Variants in MAPK10 observed in about 807,000 individuals in gnomAD.
MAPK10 encodes mitogen-activated protein kinase 10.
In MAPK10, 25 loss-of-function variants were observed where a neutral mutation model predicts 59.3. The observed-to-expected ratio is 0.42, with a 90% CI of 0.31 to 0.59. The LOEUF is 0.59. Among genes scored for constraint, MAPK10 ranks in the 20% least tolerant of loss-of-function variants. The pLI, the probability that MAPK10 is intolerant of heterozygous loss-of-function variation, is 0.15. For synonymous variants in MAPK10, 190 were observed against 200.5 expected (o/e 0.95, Z 0.44); for missense variants, 351 against 568.9 (o/e 0.62, Z 3.90).
chr4:86,025,522 T>C (rs1749726897), intron 13 of MAPK10: 1 of 398,334 alleles, frequency 2.5e-6, no homozygotes, highest in Admixed American at 4.4e-5. Context: ...CTGAATTGAA[T>C]ATGATCATTG....
intron 2 of MAPK10, among the ~76,000 whole-genome samples, chr4:86,251,642 G>A (rs1419896406): frequency 1.5e-5 from 2 of 135,422 alleles, no homozygotes; most frequent in Non-Finnish European, 3.1e-5. Context: ...ACATACATGT[G>A]CATGTGTCTT....
chr4:86,222,157 C>T (rs376414380), intron 2 of MAPK10, among the ~76,000 whole-genome samples: 2 of 152,286 alleles, frequency 1.3e-5, no homozygotes, highest in South Asian at 2.1e-4. Context: ...TTCTGTACAG[C>T]CTGGGAAACT....
rs114347212 is a variant in MAPK10 at position 86,060,327 on chromosome 4, C to T, written c.1110+3939G>A. Among the ~76,000 whole-genome samples, 352 of 152,318 alleles carry T rather than the reference C, an allele frequency of 2.3e-3. 2 individuals carry two copies. The highest frequency in any genetic ancestry group is 8.2e-3 in the African/African-American group (341 of 41,574). On this transcript the variant is annotated intron_variant, in intron 11 of 13. Coordinates refer to ENST00000641462, the MANE Select transcript of MAPK10 (RefSeq NM_138982.4). ...ATGCCCTTGCAAGGAACAAGAACTA[C>T]AAAATGGAGCCTTTTGTAAGGCCGT... is the stretch of plus-strand genomic sequence containing the variant.
At chr4:86,139,646 T>C (rs1194223172) in intron 4 of MAPK10, among the ~76,000 whole-genome samples, 3 of 152,040 alleles carry the variant, frequency 2.0e-5, no homozygotes, top group African/African-American at 4.8e-5. Flanking sequence ...GTCTAAAACA[T>C]CAAAAGCAAT....
rs1269015608 is a variant in MAPK10, at chr4:86,524,179, A to G, written c.-263+69731T>C. ...GAGGCTCTCATCATGCAGATGCCCAATCTTGAACTTTACAGCCATCAGAAT... is the reference window on the plus strand; with the variant it reads ...GAGGCTCTCATCATGCAGATGCCCAGTCTTGAACTTTACAGCCATCAGAAT... On this transcript the variant is annotated intron_variant, in intron 1 of 4. Transcript: ENST00000502302. 5.3e-5 allele frequency among the ~76,000 whole-genome samples: 8 copies of G among 152,186 alleles called. No individual in the cohort carries two copies. The East Asian group carries it at 1.3e-3, about 26-fold the overall frequency.
chr4:86,470,156 G>C (rs2149065492), intron 1 of MAPK10, among the ~76,000 whole-genome samples: 1 of 152,260 alleles, frequency 6.6e-6, no homozygotes, highest in Admixed American at 6.5e-5. Context: ...CACAGAAGCT[G>C]TTCTTATTCT....
At chr4:86,064,549 C>A (rs1287937234) in intron 10 of MAPK10, 159 bp from the exon 11 acceptor site, 4 of 671,816 alleles carry the variant, frequency 6.0e-6, no homozygotes, top group Non-Finnish European at 1.0e-5. Flanking sequence ...CATTTTACAC[C>A]TGTTTCTTTG....
chr4:86,276,197 G>T (rs138064833), intron 2 of MAPK10, among the ~76,000 whole-genome samples: 102 of 152,032 alleles, frequency 6.7e-4, no homozygotes, highest in African/African-American at 2.0e-3. Context: ...CTTTCTCCAT[G>T]AATCAGTGCT....
At chr4:86,358,645 G>A (rs1735722042) in intron 1 of MAPK10, 1 of 151,790 alleles carries the variant, frequency 6.6e-6, no homozygotes, top group Non-Finnish European at 1.5e-5. Context: ...CAGAGACTAG[G>A]TCTCTAGATT....
At chr4:86,292,433 A>G (rs2095253839) in intron 2 of MAPK10, among the ~76,000 whole-genome samples, 1 of 152,184 alleles carries the variant, frequency 6.6e-6, no homozygotes, top group Non-Finnish European at 1.5e-5. Flanking sequence ...GTGGTATAGA[A>G]CTAATAGCTG....
At chr4:86,370,458 T>C (rs965601912) in intron 1 of MAPK10, among the ~76,000 whole-genome samples, 1 of 152,176 alleles carries the variant, frequency 6.6e-6, no homozygotes, top group Non-Finnish European at 1.5e-5. Context: ...TAAAAATTAA[T>C]TCAACCAGCA....
At chr4:86,033,965 AAGG>A (rs1428134156) in intron 11 of MAPK10, among the ~76,000 whole-genome samples, 1 of 152,132 alleles carries the variant, frequency 6.6e-6, no homozygotes, top group Non-Finnish European at 1.5e-5. Flanking sequence ...TCCTTCCGCT[AAGG>A]AGAAGTTGGT....
chr4:86,364,456 A>G (rs985557838), upstream of MAPK10, among the ~76,000 whole-genome samples: 2 of 152,174 alleles, frequency 1.3e-5, no homozygotes, highest in Non-Finnish European at 2.9e-5. Flanking sequence ...AGTATTTTCC[A>G]AAGATGTTGA....
chr4:86,101,555 G>A (rs947132313), intron 7 of MAPK10: 3 of 380,582 alleles, frequency 7.9e-6, no homozygotes, highest in African/African-American at 6.0e-5. Flanking sequence ...CCTGACAGAA[G>A]AACAGATCAG....
At chr4:86,479,832 C>A (rs563825939) in intron 1 of MAPK10, among the ~76,000 whole-genome samples, 6 of 152,198 alleles carry the variant, frequency 3.9e-5, no homozygotes, top group South Asian at 4.1e-4. Context: ...ACCAATAATT[C>A]TATAAGACAA....
chr4:86,105,505 C>T (rs2056375594), intron 5 of MAPK10, among the ~76,000 whole-genome samples: 1 of 152,112 alleles, frequency 6.6e-6, no homozygotes, highest in Non-Finnish European at 1.5e-5. Flanking sequence ...CATTTCTCCA[C>T]ATTCTATTGC....
intron 4 of MAPK10, among the ~76,000 whole-genome samples, chr4:86,132,916 A>G (rs6846365): frequency 0.18 from 27,205 of 152,146 alleles, 2,547 homozygotes; most frequent in African/African-American, 0.21. Flanking sequence ...TATATATTAC[A>G]ATGTAATAAT....
chr4:86,215,690 G>A (rs189293019), intron 2 of MAPK10, among the ~76,000 whole-genome samples: 339 of 152,100 alleles, frequency 2.2e-3, no homozygotes, highest in African/African-American at 3.8e-3. Context: ...GTGAAACCCC[G>A]TCTCTACTAA....
intron 1 of MAPK10, chr4:86,358,005 A>G (rs776157232): frequency 1.1e-6 from 1 of 916,946 alleles, no homozygotes; most frequent in Non-Finnish European, 1.3e-6. Context: ...AGTTTGCTCC[A>G]CATAAGAAAA....
Sources: allele counts gnomAD v4.1 joint callset (sites outside exome capture counted in the v4.1 genomes callset), GRCh38; gene constraint gnomAD v4.1.1; transcripts MANE v1.5; gene names NCBI Gene and HGNC (gene_info 2026-07-23, HGNC 2026-07-21).